Variants in BLOC1S5 observed in about 807,000 individuals in gnomAD.
BLOC1S5 encodes biogenesis of lysosome-related organelles complex 1 subunit 5.
Under a neutral mutation model 24.3 loss-of-function variants are expected in BLOC1S5, and 27 were observed. That is an observed-to-expected ratio of 1.11 (90% confidence interval 0.82 to 1.53). BLOC1S5 has a LOEUF of 1.53. Among genes scored for constraint, BLOC1S5 ranks in the 40% most tolerant of loss-of-function variants. BLOC1S5 has a pLI of 0.00. For missense variants in BLOC1S5, 239 were observed against 229.4 expected (o/e 1.04, Z -0.27); for synonymous variants, 84 against 74.5 (o/e 1.13, Z -0.66).
chr6:8,041,312 CTT>C (rs55949249), intron 2 of BLOC1S5, 44 bp from the exon 3 acceptor site: 3,483 of 1,077,574 alleles, frequency 3.2e-3, no homozygotes, highest in Middle Eastern at 7.7e-3. Context: ...GTGTCTTTTC[CTT>C]TTTTTTTTTT....
At chr6:8,057,418 T>C (rs1581435854) in intron 2 of BLOC1S5, among the ~76,000 whole-genome samples, 1 of 152,350 alleles carries the variant, frequency 6.6e-6, no homozygotes, top group East Asian at 1.9e-4. Flanking sequence ...TTTGTTTATT[T>C]ATATATGTAT....
intron 4 of BLOC1S5, among the ~76,000 whole-genome samples, chr6:8,016,325 C>CAAA (rs546943980): frequency 0.16 from 21,750 of 139,692 alleles, 1,638 homozygotes; most frequent in Admixed American, 0.19. Context: ...GACTCCGTCT[C>CAAA]AAAAAAAAAA....
chr6:8,016,021 T>C (rs943408900), intron 4 of BLOC1S5, among the ~76,000 whole-genome samples, 193 bp from the exon 5 acceptor site: 5 of 152,214 alleles, frequency 3.3e-5, no homozygotes, highest in African/African-American at 1.2e-4. Flanking sequence ...ATGGATATTC[T>C]CATTTCTTAA....
At chr6:8,027,096 C>T (rs978411918) in intron 3 of BLOC1S5, 2 of 288,698 alleles carry the variant, frequency 6.9e-6, no homozygotes, top group African/African-American at 2.2e-5. Context: ...TTACTATCAA[C>T]ACTCTACCGC....
chr6:8,048,791 T>C (rs1344242537), intron 2 of BLOC1S5, among the ~76,000 whole-genome samples: 2 of 151,818 alleles, frequency 1.3e-5, no homozygotes, highest in Non-Finnish European at 2.9e-5. Flanking sequence ...GGTGGGCGGA[T>C]CACCTGAGGT....
At chr6:8,020,532 C>G (rs1042767563) in intron 4 of BLOC1S5, among the ~76,000 whole-genome samples, 16 of 152,210 alleles carry the variant, frequency 1.1e-4, no homozygotes, top group African/African-American at 3.9e-4. Context: ...CTCTCCCCAC[C>G]CCAGCTGAGT....
chr6:8,061,104 T>C (rs1230873017), intron 2 of BLOC1S5, among the ~76,000 whole-genome samples: 1 of 152,106 alleles, frequency 6.6e-6, no homozygotes, highest in African/African-American at 2.4e-5. Flanking sequence ...CTGGGATAAA[T>C]TGAGCCACCT....
chr6:8,040,587 C>T (rs1763643344), intron 3 of BLOC1S5, among the ~76,000 whole-genome samples: 1 of 152,226 alleles, frequency 6.6e-6, no homozygotes, highest in African/African-American at 2.4e-5. Flanking sequence ...TGGCTGGGCA[C>T]AGTGGCTCAC....
At chr6:8,053,380 C>A (rs1437833115) in intron 2 of BLOC1S5, among the ~76,000 whole-genome samples, 4 of 152,142 alleles carry the variant, frequency 2.6e-5, no homozygotes, top group Non-Finnish European at 5.9e-5. Context: ...ATTGCCACAG[C>A]CACCCCAACC....
rs774712389 is a variant in BLOC1S5, at chr6:8,062,547, AC to A, written c.181del (p.Val61Ter). The A allele has an allele frequency of 3.1e-6, 5 of 1,587,682 alleles. No individual in the cohort carries two copies. The East Asian group carries it at 1.1e-4, about 36-fold the overall frequency. ...PVIQGETRYFVKEFEEKRGLR... is the reference protein window; with the variant it reads ...PVIQGETRYFXKEFEEKRGLR... ...TTAAATACTCACTTCAAATTCTTTT[AC>A]AAAATAACGAGTTTCACCTTGAATA... On this transcript the variant is annotated frameshift_variant, in exon 2 of 5. Coordinates refer to ENST00000397457, the MANE Select transcript of BLOC1S5 (RefSeq NM_201280.3). LOFTEE classifies it high-confidence loss of function.
At chr6:8,058,357 GAAAAAAAAAAAAAAAAA>G (rs60827828) in intron 2 of BLOC1S5, among the ~76,000 whole-genome samples, 29,736 of 85,072 alleles carry the variant, frequency 0.35, 4,385 homozygotes, top group African/African-American at 0.47. Flanking sequence ...CTGTCTCTAT[GAAAAAAAAAAAAAAAAA>G]AAAAAAAAAA....
At chr6:8,042,723 T>C (rs2815141) in intron 2 of BLOC1S5, among the ~76,000 whole-genome samples, 93,602 of 152,060 alleles carry the variant, frequency 0.62, 29,488 homozygotes, top group East Asian at 0.93. Flanking sequence ...CCATTGTAGA[T>C]CAGGGAAGCA....
Position 8,062,615 on chromosome 6 carries a change from A to G in BLOC1S5, c.114T>C (p.Asp38=). 1 of 1,583,386 alleles carries G rather than the reference A, an allele frequency of 6.3e-7. No homozygotes were observed. The highest frequency in any genetic ancestry group is 1.1e-5 in the South Asian group (1 of 88,206). Reference sequence around the variant, plus strand: ...AAAGCCTTGAATGAATTTCTCCAAGATCTATAAAGATAAAATGAAATTCAG... The same window carrying G: ...AAAGCCTTGAATGAATTTCTCCAAGGTCTATAAAGATAAAATGAAATTCAG... ...TAGSAHLIIK[D]LGEIHSRLLD... is the part of the protein sequence containing the mutation. Residue 38 remains aspartate (D), a splice_region_variant and synonymous_variant, in exon 2 of 5, where the codon GAT becomes GAC. Coordinates refer to ENST00000397457, the MANE Select transcript of BLOC1S5 (RefSeq NM_201280.3).
chr6:8,026,720 T>C (rs1024938573), intron 3 of BLOC1S5, among the ~76,000 whole-genome samples: 1 of 152,214 alleles, frequency 6.6e-6, no homozygotes, highest in African/African-American at 2.4e-5. Flanking sequence ...CTCACTGCAG[T>C]ACCTGGTAAC....
chr6:8,018,930 C>T (rs773486906), intron 4 of BLOC1S5, among the ~76,000 whole-genome samples: 10 of 152,232 alleles, frequency 6.6e-5, no homozygotes, highest in African/African-American at 2.4e-4. Flanking sequence ...TTCCTAGATT[C>T]AATTTAATCC....
Position 8,030,865 on chromosome 6 carries a change from CA to C in BLOC1S5, c.326-4441del, listed in dbSNP as rs55692261. Among the ~76,000 whole-genome samples the C allele has an allele frequency of 1.3e-3, 152 of 118,386 alleles. 1 individual carries two copies. Among genetic ancestry groups the C allele is most frequent in the African/African-American group, 2.6e-3 (83 of 31,398 alleles). 77.7% of individuals were successfully genotyped at this position (118,386 alleles called of 152,430 possible). ...CCAGCCTGAGCAACAGACCAACAGT[CA>C]AAAAAAAAAAATCACATGATCATCT... On this transcript the variant is annotated intron_variant, in intron 3 of 4. Coordinates refer to ENST00000397457, the MANE Select transcript of BLOC1S5 (RefSeq NM_201280.3).
At chr6:8,062,021 T>C (rs1764530544) in intron 2 of BLOC1S5, among the ~76,000 whole-genome samples, 1 of 152,202 alleles carries the variant, frequency 6.6e-6, no homozygotes, top group African/African-American at 2.4e-5. Context: ...TGGATTTGAC[T>C]TCGTTGATAA....
intron 4 of BLOC1S5, among the ~76,000 whole-genome samples, chr6:8,023,979 C>T (rs1164725841): frequency 1.3e-5 from 2 of 151,934 alleles, no homozygotes; most frequent in African/African-American, 4.8e-5. Flanking sequence ...TTTATTGCTC[C>T]AATAAGAATG....
At chr6:8,042,083 T>G (rs1763714726) in intron 2 of BLOC1S5, among the ~76,000 whole-genome samples, 1 of 152,198 alleles carries the variant, frequency 6.6e-6, no homozygotes, top group Admixed American at 6.5e-5. Context: ...TTTTTAAAAT[T>G]ATGAAATGCT....
Sources: allele counts gnomAD v4.1 joint callset (sites outside exome capture counted in the v4.1 genomes callset), GRCh38; gene constraint gnomAD v4.1.1; transcripts MANE v1.5; gene names NCBI Gene and HGNC (gene_info 2026-07-23, HGNC 2026-07-21).